Variants in SMCO4 observed in about 807,000 individuals in gnomAD.
The protein encoded by SMCO4 is single-pass membrane and coiled-coil domain-containing protein 4.
Under a neutral mutation model 3.6 loss-of-function variants are expected in SMCO4, and 4 were observed. The observed-to-expected ratio is 1.11, with a 90% CI of 0.54 to 2.53. SMCO4 has a LOEUF of 2.53. Ranked by LOEUF, SMCO4 falls within the 30% of genes most tolerant of loss-of-function variation. The probability of loss-of-function intolerance (pLI) is 0.02; values close to 1 mark genes in which losing one functional copy is unlikely to be tolerated. For synonymous variants in SMCO4, 36 were observed against 35.3 expected, an observed-to-expected ratio of 1.02 and a Z score of -0.07; for missense variants, 70 against 80.8, an observed-to-expected ratio of 0.87 and a Z score of 0.51.
chr11:93,528,405 A>T (rs147705505), intron 1 of SMCO4, among the ~76,000 whole-genome samples: 1 of 152,340 alleles, frequency 6.6e-6, no homozygotes, highest in Non-Finnish European at 1.5e-5. Context: ...CCGCCTCCAG[A>T]GCCAGAATGG....
rs533483035 is a variant in SMCO4, at chr11:93,497,750, C to T, written c.-81+1526G>A. Among the ~76,000 whole-genome samples, 9 of 152,294 alleles carry T rather than the reference C, an allele frequency of 5.9e-5. No homozygotes were observed. The South Asian group carries it at 1.2e-3, about 21-fold the overall frequency. On this transcript the variant is annotated intron_variant, in intron 2 of 2. Coordinates refer to ENST00000298966, the MANE Select transcript of SMCO4 (RefSeq NM_020179.3). The stretch of plus-strand genomic sequence containing the variant: ...TCCCAACTTTGAAAATGAGAAGTTA[C>T]CACTTGCCTCTGCCTGCTTCCCAGG...
At chr11:93,487,692 C>CTT (rs1948667266) in intron 2 of SMCO4, among the ~76,000 whole-genome samples, 1 of 152,158 alleles carries the variant, frequency 6.6e-6, no homozygotes, top group South Asian at 2.1e-4. Flanking sequence ...TAATAAAGTG[C>CTT]TTTTCTGTGC....
At chr11:93,486,866 T>G (rs1339127706) in intron 2 of SMCO4, among the ~76,000 whole-genome samples, 1 of 152,168 alleles carries the variant, frequency 6.6e-6, no homozygotes, top group Non-Finnish European at 1.5e-5. Context: ...TTCTAAAGTT[T>G]CAAAGCTCTC....
chr11:93,511,621 C>T (rs530568775), intron 1 of SMCO4, among the ~76,000 whole-genome samples: 3 of 152,210 alleles, frequency 2.0e-5, no homozygotes, highest in Admixed American at 1.3e-4. Flanking sequence ...TGGATGTGAG[C>T]GCACCTTGGG....
At chr11:93,538,126 C>G (rs1441945613) in intron 1 of SMCO4, among the ~76,000 whole-genome samples, 1 of 152,208 alleles carries the variant, frequency 6.6e-6, no homozygotes, top group East Asian at 1.9e-4. Flanking sequence ...TGCGTCCTAC[C>G]GATGACAGGA....
chr11:93,534,375 T>TATAGAGAG (rs369643237), intron 1 of SMCO4, among the ~76,000 whole-genome samples: 3,951 of 142,078 alleles, frequency 0.028, 87 homozygotes, highest in Middle Eastern at 0.058. Flanking sequence ...TATATATATA[T>TATAGAGAG]AGAGAGAGAG....
intron 2 of SMCO4, among the ~76,000 whole-genome samples, chr11:93,490,173 G>A (rs1948697765): frequency 6.6e-6 from 1 of 152,248 alleles, no homozygotes; most frequent in South Asian, 2.1e-4. Flanking sequence ...GGAGGAAGCA[G>A]AGCTTTTGAA....
intron 1 of SMCO4, among the ~76,000 whole-genome samples, chr11:93,506,612 GT>G (rs200675724): frequency 6.6e-6 from 1 of 151,310 alleles, no homozygotes; most frequent in East Asian, 1.9e-4. Context: ...CTAATTTTTT[GT>G]TTTTTTTGTA....
At chr11:93,484,552 A>C (rs1216723605) in intron 2 of SMCO4, among the ~76,000 whole-genome samples, 1 of 152,186 alleles carries the variant, frequency 6.6e-6, no homozygotes, top group African/African-American at 2.4e-5. Context: ...GAAAAATTAG[A>C]AATAATGTAT....
chr11:93,523,590 CA>C (rs998180111), intron 1 of SMCO4, among the ~76,000 whole-genome samples: 44 of 151,956 alleles, frequency 2.9e-4, no homozygotes, highest in African/African-American at 9.9e-4. Context: ...GCCTGGGAGG[CA>C]GAGGTTGCAG....
intron 1 of SMCO4, among the ~76,000 whole-genome samples, chr11:93,536,801 A>C (rs73559546): frequency 2.0e-3 from 298 of 152,180 alleles, no homozygotes; most frequent in Non-Finnish European, 3.5e-3. Flanking sequence ...AAAAGCACCT[A>C]AACTGATTAA....
At chr11:93,516,761 G>C (rs1001764317) in intron 1 of SMCO4, among the ~76,000 whole-genome samples, 1 of 151,876 alleles carries the variant, frequency 6.6e-6, no homozygotes, top group Non-Finnish European at 1.5e-5. Context: ...TTGCACTCCA[G>C]CCTGGGTGAC....
At chr11:93,545,308 C>T (rs1205338324), upstream of SMCO4, among the ~76,000 whole-genome samples, 2 of 152,140 alleles carry the variant, frequency 1.3e-5, no homozygotes, top group East Asian at 3.9e-4. Context: ...CCATCCTTGG[C>T]TGGGCGTGGT....
chr11:93,553,102 A>T, the SMCO4 span, among the ~76,000 whole-genome samples: 2 of 152,150 alleles, frequency 1.3e-5, no homozygotes, highest in Admixed American at 6.5e-5. Context: ...CTAAAACCAC[A>T]TGGTTCCAAA....
chr11:93,529,045 G>T (rs995940422), intron 1 of SMCO4, among the ~76,000 whole-genome samples: 2 of 152,114 alleles, frequency 1.3e-5, no homozygotes, highest in African/African-American at 4.8e-5. Flanking sequence ...TCCCACTCGT[G>T]GGCAAGGCCT....
At chr11:93,547,640 A>G (rs1407316119), upstream of SMCO4, among the ~76,000 whole-genome samples, 1 of 152,236 alleles carries the variant, frequency 6.6e-6, no homozygotes, top group East Asian at 1.9e-4. Flanking sequence ...TGCATACAGG[A>G]ACTCAATAAA....
At chr11:93,542,815 C>T (rs1949281794) in intron 1 of SMCO4, among the ~76,000 whole-genome samples, 1 of 152,106 alleles carries the variant, frequency 6.6e-6, no homozygotes, top group Non-Finnish European at 1.5e-5. Context: ...TCCCAGAGAC[C>T]CTGAGCGCAC....
intron 1 of SMCO4, among the ~76,000 whole-genome samples, chr11:93,531,663 T>C (rs2134631828): frequency 6.6e-6 from 1 of 152,332 alleles, no homozygotes; most frequent in African/African-American, 2.4e-5. Flanking sequence ...TATTGTACAC[T>C]TAAAAATGGT....
chr11:93,552,443 TTA>T, the SMCO4 span, among the ~76,000 whole-genome samples: 1 of 1,770 alleles, frequency 5.6e-4, no homozygotes, highest in African/African-American at 9.7e-4. Flanking sequence ...CCCAGCCACG[TTA>T]TTATTATTAT....
Sources: allele counts gnomAD v4.1 joint callset (sites outside exome capture counted in the v4.1 genomes callset), GRCh38; gene constraint gnomAD v4.1.1; transcripts MANE v1.5; gene names NCBI Gene and HGNC (gene_info 2026-07-23, HGNC 2026-07-21).